Variants in SHLD1 observed in about 807,000 individuals in gnomAD.
SHLD1 encodes shieldin complex subunit 1, also known as RINN1-REV7-interacting novel NHEJ regulator 3.
A neutral mutation model predicts 5.5 loss-of-function variants in SHLD1; 3 were observed. The ratio of observed to expected loss-of-function variants is 0.54; its 90% confidence interval spans 0.25 to 1.40. SHLD1 has a LOEUF of 1.40. Ranked by LOEUF, SHLD1 falls within the 40% of genes most tolerant of loss-of-function variation. The pLI, the probability that SHLD1 is intolerant of heterozygous loss-of-function variation, is 0.15. For synonymous variants in SHLD1, 92 were observed against 94.3 expected (o/e 0.98, Z 0.14); for missense variants, 210 against 244.4 (o/e 0.86, Z 0.94).
intron 1 of SHLD1, among the ~76,000 whole-genome samples, chr20:5,764,207 ATTTGTGTG>A (rs1568490255): frequency 5.5e-5 from 2 of 36,096 alleles, no homozygotes; most frequent in African/African-American, 2.5e-4. Context: ...ATATATATAT[ATTTGTGTG>A]TGTGTATATA....
At chr20:5,854,099 G>A (rs981861972) in intron 2 of SHLD1, among the ~76,000 whole-genome samples, 9 of 151,542 alleles carry the variant, frequency 5.9e-5, no homozygotes. Context: ...TCCACCTCCC[G>A]GGTTCAAGCA....
At chr20:5,751,954 T>TAAA (rs1983773555) in intron 1 of SHLD1, among the ~76,000 whole-genome samples, 4 of 152,184 alleles carry the variant, frequency 2.6e-5, no homozygotes, top group Admixed American at 2.0e-4. Context: ...AGCTGACAGT[T>TAAA]GCTTGAGAGA....
At chr20:5,841,482 C>G (rs1441562386) in intron 2 of SHLD1, among the ~76,000 whole-genome samples, 1 of 152,116 alleles carries the variant, frequency 6.6e-6, no homozygotes, top group African/African-American at 2.4e-5. Context: ...CCAGAATGAC[C>G]AGTATAATTA....
intron 2 of SHLD1, among the ~76,000 whole-genome samples, chr20:5,786,512 C>A (rs1257255293): frequency 2.0e-5 from 3 of 151,930 alleles, no homozygotes; most frequent in African/African-American, 7.3e-5. Context: ...GAGGTTGGGG[C>A]TACAGTAAGC....
At chr20:5,756,978 C>G (rs1466277531) in intron 1 of SHLD1, 6 of 153,730 alleles carry the variant, frequency 3.9e-5, no homozygotes, top group Non-Finnish European at 5.9e-5. Context: ...ACATCCTTAT[C>G]TTGTTCCTAA....
intron 1 of SHLD1, among the ~76,000 whole-genome samples, chr20:5,761,226 G>C (rs59217796): frequency 0.03 from 4,492 of 151,994 alleles, 215 homozygotes; most frequent in African/African-American, 0.1. Context: ...GGGACACAGG[G>C]AGGGGAACAT....
intron 2 of SHLD1, among the ~76,000 whole-genome samples, chr20:5,829,587 T>C (rs181050760): frequency 1.8e-4 from 28 of 152,336 alleles, no homozygotes; most frequent in Non-Finnish European, 7.4e-5. Flanking sequence ...CGCAGCCATG[T>C]TGTAACAGGT....
chr20:5,831,661 T>C (rs1335544942), intron 2 of SHLD1, among the ~76,000 whole-genome samples: 1 of 152,148 alleles, frequency 6.6e-6, no homozygotes, highest in Non-Finnish European at 1.5e-5. Flanking sequence ...AAAGATTCGC[T>C]TTTAAGTGAC....
At chr20:5,791,439 A>T (rs964850889) in intron 2 of SHLD1, among the ~76,000 whole-genome samples, 1 of 151,410 alleles carries the variant, frequency 6.6e-6, no homozygotes, top group Admixed American at 6.6e-5. Context: ...TGGGGCACTC[A>T]TGTAGTCCCA....
chr20:5,785,027 T>G (rs1410699161), intron 2 of SHLD1, among the ~76,000 whole-genome samples: 1 of 152,218 alleles, frequency 6.6e-6, no homozygotes, highest in Non-Finnish European at 1.5e-5. Flanking sequence ...TCTCAAGGGC[T>G]TCTTCAAGTA....
intron 2 of SHLD1, among the ~76,000 whole-genome samples, chr20:5,862,276 G>A (rs2088173210): frequency 6.6e-6 from 1 of 152,254 alleles, no homozygotes; most frequent in Non-Finnish European, 1.5e-5. Flanking sequence ...GTTGTAGTGT[G>A]TAGTGGGTCC....
chr20:5,760,189 GT>G (rs2122192766), intron 1 of SHLD1, among the ~76,000 whole-genome samples: 1 of 152,238 alleles, frequency 6.6e-6, no homozygotes, highest in Admixed American at 6.6e-5. Context: ...AGGGATTGTT[GT>G]TGCTGAAGGC....
At chr20:5,760,915 G>A (rs1271729452) in intron 1 of SHLD1, among the ~76,000 whole-genome samples, 1 of 152,004 alleles carries the variant, frequency 6.6e-6, no homozygotes, top group Non-Finnish European at 1.5e-5. Flanking sequence ...CCTGTTTGGT[G>A]ACTCACATGG....
At chr20:5,757,071 C>CTTTTTTTTTTTTTTTTTTTTTTTT (rs753877287) in intron 1 of SHLD1, among the ~76,000 whole-genome samples, 1 of 123,224 alleles carries the variant, frequency 8.1e-6, no homozygotes, top group Non-Finnish European at 1.7e-5. Context: ...TTCTTTCTTT[C>CTTTTTTTTTTTTTTTTTTTTTTTT]TTTTTTTTTT....
At chr20:5,783,621 GT>G (rs1220250071) in intron 2 of SHLD1, among the ~76,000 whole-genome samples, 1 of 152,222 alleles carries the variant, frequency 6.6e-6, no homozygotes, top group African/African-American at 2.4e-5. Context: ...GAAGGCAGCA[GT>G]GAATTTTAAT....
rs2087385389 is a variant in SHLD1, at chr20:5,806,931, T to C, written c.178+33888T>C. Among the ~76,000 whole-genome samples, 2 of 152,232 alleles carry C rather than the reference T, an allele frequency of 1.3e-5. No individual in the cohort carries two copies. Among genetic ancestry groups the C allele is most frequent in the Admixed American group, 1.3e-4 (2 of 15,282 alleles). On this transcript the variant is annotated intron_variant, in intron 2 of 2. Coordinates refer to ENST00000303142, the MANE Select transcript of SHLD1 (RefSeq NM_152504.4). The surrounding 1 kb of genome is among the most constrained non-coding windows in gnomAD (Gnocchi z 7.6). ...ATTTTAGCACCGAAGAGTGAGTGAG[T>C]GGTCGTGTAACCTGTACCTGCAATC... is the stretch of plus-strand genomic sequence containing the variant.
chr20:5,781,003 T>C (rs781388006), intron 2 of SHLD1, among the ~76,000 whole-genome samples: 2 of 152,124 alleles, frequency 1.3e-5, no homozygotes, highest in Non-Finnish European at 2.9e-5. Flanking sequence ...TCTGAGAGTG[T>C]TAGAAAAACC....
intron 2 of SHLD1, among the ~76,000 whole-genome samples, chr20:5,786,445 T>A (rs370936228): frequency 6.6e-6 from 1 of 152,208 alleles, no homozygotes; most frequent in Non-Finnish European, 1.5e-5. Flanking sequence ...CATGGTAGCA[T>A]GCACCTACAG....
intron 1 of SHLD1, among the ~76,000 whole-genome samples, chr20:5,770,425 T>C (rs1985091189): frequency 6.6e-6 from 1 of 152,232 alleles, no homozygotes; most frequent in Non-Finnish European, 1.5e-5. Context: ...TCTTCCTCTG[T>C]GGAGGACATG....
Sources: gnomAD v4.1 joint callset for allele counts (sites outside exome capture counted in the v4.1 genomes callset) on GRCh38, gnomAD v4.1.1 for gene constraint, Gnocchi (gnomAD v3.1) non-coding constraint, MANE v1.5 for transcripts, NCBI Gene and HGNC (gene_info 2026-07-23, HGNC 2026-07-21) for gene names.